Variants in PCDH15 observed in about 807,000 individuals in gnomAD.
PCDH15 encodes the protein protocadherin related 15, also known as protocadherin-15.
PCDH15 carries 129 observed loss-of-function variants against 178.5 expected under a neutral mutation model. That is an observed-to-expected ratio of 0.72 (90% confidence interval 0.63 to 0.84). The LOEUF is 0.84. Ranked by LOEUF, PCDH15 falls within the 40% of genes least tolerant of loss-of-function variation. The pLI, the probability that PCDH15 is intolerant of heterozygous loss-of-function variation, is 0.00. For missense variants in PCDH15, 2,230 were observed against 2,099.9 expected, an observed-to-expected ratio of 1.06 and a Z score of -1.21; for synonymous variants, 800 against 732.0, an observed-to-expected ratio of 1.09 and a Z score of -1.50.
At chr10:54,064,321 A>G (rs1490786254) in intron 18 of PCDH15, among the ~76,000 whole-genome samples, 1 of 152,160 alleles carries the variant, frequency 6.6e-6, no homozygotes, top group Non-Finnish European at 1.5e-5. Flanking sequence ...TTTTGGGCTC[A>G]GAAAGGAGGA....
intron 2 of PCDH15, among the ~76,000 whole-genome samples, chr10:55,442,490 T>TA (rs937505823): frequency 7.7e-5 from 11 of 142,850 alleles, no homozygotes; most frequent in Non-Finnish European, 1.7e-4. Context: ...ATTATATATA[T>TA]ATATATATAT....
In PCDH15 at chr10:55,389,316, C is replaced by G. The variant is rs559990168; in HGVS notation, c.-155-222665G>C. 2.4e-4 allele frequency among the ~76,000 whole-genome samples: 36 copies of G among 151,994 alleles called. No homozygotes were observed. The South Asian group carries it at 7.5e-3, about 32-fold the overall frequency. ...CAGCAAAGCAACTCTGTTAGACAAG[C>G]CAGTGAACACTACAGTGATTTTTTT... On this transcript the variant is annotated intron_variant, in intron 2 of 5. Transcript: ENST00000613346.
intron 2 of PCDH15, among the ~76,000 whole-genome samples, chr10:55,035,658 G>C (rs903289441): frequency 6.6e-6 from 1 of 152,128 alleles, no homozygotes; most frequent in Non-Finnish European, 1.5e-5. Context: ...TAGAAAAGGA[G>C]GATGCTCAAT....
chr10:53,958,394 A>T (rs1197942098), intron 23 of PCDH15, among the ~76,000 whole-genome samples: 1 of 152,212 alleles, frequency 6.6e-6, no homozygotes, highest in Admixed American at 6.5e-5. Flanking sequence ...ATTTCCTTCA[A>T]TCTACAACTT....
At chr10:54,295,706 G>C (rs1210227142) in intron 8 of PCDH15, among the ~76,000 whole-genome samples, 1 of 152,196 alleles carries the variant, frequency 6.6e-6, no homozygotes, top group Non-Finnish European at 1.5e-5. Context: ...GAACCCAGTG[G>C]AAGGAACAAA....
intron 20 of PCDH15, among the ~76,000 whole-genome samples, chr10:54,004,918 A>G (rs1328363633): frequency 4.0e-5 from 6 of 150,428 alleles, no homozygotes; most frequent in African/African-American, 1.2e-4. Flanking sequence ...AATATTACAG[A>G]GCTATAGTAA....
intron 2 of PCDH15, among the ~76,000 whole-genome samples, chr10:55,365,584 G>A (rs1208760546): frequency 6.6e-6 from 1 of 152,102 alleles, no homozygotes; most frequent in African/African-American, 2.4e-5. Flanking sequence ...GAGGAACCCA[G>A]TGGGAGGTGA....
intron 25 of PCDH15, among the ~76,000 whole-genome samples, chr10:53,912,621 A>G (rs2083192335): frequency 6.6e-6 from 1 of 152,238 alleles, no homozygotes; most frequent in Non-Finnish European, 1.5e-5. Context: ...ATCAATGTGC[A>G]AAAATCACAA....
chr10:55,235,004 G>A (rs987255813), intron 1 of PCDH15, among the ~76,000 whole-genome samples: 2 of 151,870 alleles, frequency 1.3e-5, no homozygotes, highest in African/African-American at 4.8e-5. Context: ...TGAAAACCCT[G>A]CCATGTACAG....
At chr10:54,820,462 A>T (rs916480795) in intron 3 of PCDH15, among the ~76,000 whole-genome samples, 1 of 152,100 alleles carries the variant, frequency 6.6e-6, no homozygotes, top group Admixed American at 6.6e-5. Context: ...CAAAGTTGAC[A>T]GAAATCATGT....
intron 1 of PCDH15, among the ~76,000 whole-genome samples, chr10:55,221,055 C>T (rs568265256): frequency 2.6e-5 from 4 of 152,180 alleles, no homozygotes; most frequent in Admixed American, 1.3e-4. Context: ...TAATGTGATG[C>T]TTTTCAGCAA....
intron 2 of PCDH15, among the ~76,000 whole-genome samples, chr10:54,907,606 C>T (rs1244241030): frequency 6.6e-6 from 1 of 152,076 alleles, no homozygotes; most frequent in Non-Finnish European, 1.5e-5. Flanking sequence ...TTAAGGCCCC[C>T]TGGGAACACT....
chr10:54,856,255 G>A (rs1953740684), intron 3 of PCDH15, among the ~76,000 whole-genome samples: 1 of 152,148 alleles, frequency 6.6e-6, no homozygotes. Flanking sequence ...ACACGAAACA[G>A]AAAATGCACA....
intron 9 of PCDH15, among the ~76,000 whole-genome samples, chr10:54,235,986 A>T (rs1386272638): frequency 6.6e-6 from 1 of 152,200 alleles, no homozygotes; most frequent in South Asian, 2.1e-4. Flanking sequence ...ACAGTATGAT[A>T]TTTGCAAATC....
chr10:54,563,184 T>C (rs1226546029), intron 2 of PCDH15, among the ~76,000 whole-genome samples: 1 of 152,170 alleles, frequency 6.6e-6, no homozygotes, highest in Non-Finnish European at 1.5e-5. Flanking sequence ...TTATGATCTA[T>C]ACATTTGAAA....
chr10:55,286,403 T>C (rs569787177), intron 1 of PCDH15, among the ~76,000 whole-genome samples: 2 of 152,072 alleles, frequency 1.3e-5, no homozygotes, highest in East Asian at 1.9e-4. Context: ...TATTGATTTA[T>C]ATTTCTTTGC....
chr10:54,351,621 C>T (rs573559573), intron 5 of PCDH15, among the ~76,000 whole-genome samples: 1 of 152,218 alleles, frequency 6.6e-6, no homozygotes, highest in East Asian at 1.9e-4. Context: ...GTATCCACAT[C>T]CTCATCCTCT....
chr10:54,424,956 T>A (rs1336948302), intron 3 of PCDH15, among the ~76,000 whole-genome samples: 1 of 149,030 alleles, frequency 6.7e-6, no homozygotes, highest in Non-Finnish European at 1.5e-5. Flanking sequence ...CATGTATATA[T>A]ATGTAACAAA....
At chr10:53,933,681 A>ATACC (rs1818696174) in intron 25 of PCDH15, among the ~76,000 whole-genome samples, 2 of 152,276 alleles carry the variant, frequency 1.3e-5, no homozygotes, top group African/African-American at 4.8e-5. Flanking sequence ...TCCTTTGGGT[A>ATACC]TATACCCAGT....
Sources: gnomAD v4.1 joint callset for allele counts (sites outside exome capture counted in the v4.1 genomes callset) on GRCh38, gnomAD v4.1.1 for gene constraint, MANE v1.5 for transcripts, NCBI Gene and HGNC (gene_info 2026-07-23, HGNC 2026-07-21) for gene names.